HBS1L: variants seen among roughly 807,000 people sequenced by gnomAD.
HBS1L encodes the protein HBS1-like protein.
HBS1L carries 55 observed loss-of-function variants against 88.9 expected under a neutral mutation model. The ratio of observed to expected loss-of-function variants is 0.62; its 90% confidence interval spans 0.50 to 0.77. The LOEUF (loss-of-function observed/expected upper bound fraction) is 0.77. Ranked by LOEUF, HBS1L falls within the 30% of genes least tolerant of loss-of-function variation. The pLI is 0.00. For synonymous variants in HBS1L, 267 were observed against 288.5 expected (o/e 0.93, Z 0.76); for missense variants, 741 against 829.3 (o/e 0.89, Z 1.31).
At chr6:135,026,141 CTGTT>C (rs1252820427) in intron 4 of HBS1L, among the ~76,000 whole-genome samples, 1 of 152,088 alleles carries the variant, frequency 6.6e-6, no homozygotes, top group East Asian at 1.9e-4. Context: ...TTTTTAAAAA[CTGTT>C]TAATAAATTG....
intron 4 of HBS1L, among the ~76,000 whole-genome samples, chr6:135,035,104 G>A (rs1254165685): frequency 6.6e-6 from 1 of 152,090 alleles, no homozygotes; most frequent in Non-Finnish European, 1.5e-5. Context: ...GTCACTGTGG[G>A]GCACACAACT....
At chr6:135,041,031 T>C (rs1370435726) in intron 3 of HBS1L, among the ~76,000 whole-genome samples, 1 of 152,148 alleles carries the variant, frequency 6.6e-6, no homozygotes, top group Non-Finnish European at 1.5e-5. Flanking sequence ...ATAATCAAAA[T>C]AGAATAGAGG....
intron 3 of HBS1L, among the ~76,000 whole-genome samples, chr6:135,041,052 C>T (rs1038074405): frequency 1.4e-4 from 22 of 152,054 alleles, no homozygotes; most frequent in Admixed American, 4.6e-4. Flanking sequence ...TTTTCAAACT[C>T]CCTATTCCAC....
At chr6:135,003,595 C>T (rs923735898) in intron 4 of HBS1L, among the ~76,000 whole-genome samples, 5 of 149,888 alleles carry the variant, frequency 3.3e-5, no homozygotes, top group African/African-American at 1.2e-4. Flanking sequence ...AGGCCAGGCA[C>T]GGTGGCTCAT....
At chr6:134,999,728 G>T (rs749831280) in intron 5 of HBS1L, among the ~76,000 whole-genome samples, 2 of 152,040 alleles carry the variant, frequency 1.3e-5, no homozygotes, top group Non-Finnish European at 2.9e-5. Context: ...TATTACAGGG[G>T]TGAGCTACTG....
chr6:135,006,413 G>A (rs992708739), intron 4 of HBS1L, among the ~76,000 whole-genome samples: 14 of 152,138 alleles, frequency 9.2e-5, no homozygotes, highest in Admixed American at 2.6e-4. Flanking sequence ...GAAGAGCTTA[G>A]AGGGAGAAGA....
Position 135,036,775 on chromosome 6 carries a change from G to C in HBS1L, c.430+2798C>G. On this transcript the variant is annotated intron_variant, in intron 4 of 17. Transcript: ENST00000367837. ...AAGACACAGTGTTGAGGCAAAAGCT[G>C]AAGGTCTAGCAGCAAGGGCCTTGGT... 1.9e-6 allele frequency: 3 copies of C among 1,551,594 alleles called. No homozygotes were observed. In the South Asian group the frequency reaches 3.6e-5, roughly 18 times the overall value.
intron 2 of HBS1L, among the ~76,000 whole-genome samples, chr6:135,045,707 C>T (rs1459166989): frequency 1.3e-5 from 2 of 152,056 alleles, no homozygotes; most frequent in Non-Finnish European, 2.9e-5. Context: ...TGGTGGCGGG[C>T]GCCTGCAATC....
At chr6:135,018,150 T>C (rs545888082) in intron 4 of HBS1L, among the ~76,000 whole-genome samples, 1 of 152,064 alleles carries the variant, frequency 6.6e-6, no homozygotes, top group South Asian at 2.1e-4. Context: ...AAATTTCCAA[T>C]GAAAAAAACA....
rs117442577 is a variant in HBS1L, at chr6:135,032,977, C to T, written c.430+6596G>A. Among the ~76,000 whole-genome samples the T allele has an allele frequency of 7.1e-4, 94 of 132,048 alleles. 1 individual carries two copies. The East Asian group carries it at 0.02, about 28-fold the overall frequency. The allele number at this position is 132,048 out of a possible 152,430, so 86.6% of individuals were successfully genotyped here. On this transcript the variant is annotated intron_variant, in intron 4 of 17. Transcript: ENST00000367837. ...AAAAGTGCTCTGTACAGAAATGAAACCCTGGTTCTTGGCAATTTATTGCAA... is the reference window on the plus strand; with the variant it reads ...AAAAGTGCTCTGTACAGAAATGAAATCCTGGTTCTTGGCAATTTATTGCAA...
chr6:135,045,354 G>T (rs560306151), intron 2 of HBS1L, among the ~76,000 whole-genome samples: 58 of 152,196 alleles, frequency 3.8e-4, no homozygotes, highest in Admixed American at 3.5e-3. Flanking sequence ...TAAAATTTAA[G>T]GCATTTTGAC....
intron 4 of HBS1L, among the ~76,000 whole-genome samples, chr6:135,031,927 C>A (rs1776397933): frequency 1.3e-5 from 2 of 151,488 alleles, no homozygotes; most frequent in Non-Finnish European, 2.9e-5. Flanking sequence ...GCCTCAGCCT[C>A]CCAAACAGCT....
chr6:135,054,589 C>A, intron 1 of HBS1L, 60 bp downstream of exon 1: 1 of 1,590,568 alleles, frequency 6.3e-7, no homozygotes, highest in Non-Finnish European at 8.6e-7. Context: ...TGGATGCCAA[C>A]GGGCTAGGAT....
At chr6:134,988,730 A>G (rs945128264) in intron 8 of HBS1L, among the ~76,000 whole-genome samples, 2 of 152,198 alleles carry the variant, frequency 1.3e-5, no homozygotes, top group African/African-American at 4.8e-5. Context: ...CTGTAGGTGC[A>G]CCACCTTCCA....
chr6:135,002,597 T>C (rs1775492657), intron 5 of HBS1L, 137 bp downstream of exon 5: 3 of 587,594 alleles, frequency 5.1e-6, no homozygotes, highest in South Asian at 4.1e-5. Context: ...TGTACTATGT[T>C]ATACTGAGGA....
rs1562269392 is a variant in HBS1L, at chr6:134,965,295, TAAAACA to T, written c.2044-11_2044-6del. 1.3e-6 allele frequency: 2 copies of T among 1,531,748 alleles called. No homozygotes were observed. The highest frequency in any genetic ancestry group is 1.8e-6 in the Non-Finnish European group (2 of 1,124,498). The allele number at this position is 1,531,748 out of a possible 1,614,324, so 94.9% of individuals were successfully genotyped here. On this transcript the variant is annotated splice_polypyrimidine_tract_variant and splice_region_variant and intron_variant, in intron 17 of 17. Coordinates refer to ENST00000367837, the MANE Select transcript of HBS1L (RefSeq NM_006620.4). ...TCTGACCCATCATTCTTTTATCTGT[TAAAACA>T]AAAAAAAAAAAGACATTTGCTGTAA... is the stretch of plus-strand genomic sequence containing the variant.
At chr6:134,982,710 C>T (rs1342081141) in intron 12 of HBS1L, 148 bp from the exon 13 acceptor site, 2 of 446,028 alleles carry the variant, frequency 4.5e-6, no homozygotes, top group Non-Finnish European at 8.0e-6. Flanking sequence ...AACATCTCTA[C>T]TAAATATGGC....
chr6:134,974,351 C>T (rs184289165), intron 15 of HBS1L, among the ~76,000 whole-genome samples: 2 of 152,188 alleles, frequency 1.3e-5, no homozygotes, highest in East Asian at 3.9e-4. Flanking sequence ...TAATACCAAT[C>T]CTACTGAAAC....
chr6:135,039,520 T>G, intron 4 of HBS1L, 53 bp downstream of exon 4: 1 of 1,408,872 alleles, frequency 7.1e-7, no homozygotes, highest in Middle Eastern at 1.8e-4. Context: ...CGAAAGCCTC[T>G]CTTTAGGCAT....
Sources: allele counts gnomAD v4.1 joint callset (sites outside exome capture counted in the v4.1 genomes callset), GRCh38; gene constraint gnomAD v4.1.1; transcripts MANE v1.5; gene names NCBI Gene and HGNC (gene_info 2026-07-23, HGNC 2026-07-21).